CCDC60: variants seen among roughly 807,000 people sequenced by gnomAD.
The protein encoded by CCDC60 is coiled-coil domain containing 60, also known as coiled-coil domain-containing protein 60.
A neutral mutation model predicts 63.5 loss-of-function variants in CCDC60; 54 were observed. That is an observed-to-expected ratio of 0.85 (90% CI 0.68 to 1.07). The LOEUF is 1.07. Ranked by LOEUF, CCDC60 falls within the 50% of genes least tolerant of loss-of-function variation. The pLI is 0.00. For missense variants in CCDC60, 651 were observed against 684.3 expected (o/e 0.95, Z 0.54); for synonymous variants, 206 against 238.8 (o/e 0.86, Z 1.27).
chr12:119,336,769 A>G (rs1955475900), intron 1 of CCDC60, among the ~76,000 whole-genome samples: 1 of 152,236 alleles, frequency 6.6e-6, no homozygotes, highest in African/African-American at 2.4e-5. Flanking sequence ...TTAACGCTGG[A>G]TAATGTGTTT....
chr12:119,528,493 G>A, intron 11 of CCDC60, 122 bp from the exon 12 acceptor site: 1 of 1,133,892 alleles, frequency 8.8e-7, no homozygotes, highest in East Asian at 2.4e-5. Flanking sequence ...AAGATTAGCT[G>A]ACAGGGTTAA....
intron 1 of CCDC60, among the ~76,000 whole-genome samples, chr12:119,419,915 G>T (rs1280352213): frequency 1.6e-5 from 2 of 122,962 alleles, no homozygotes; most frequent in South Asian, 2.6e-4. Context: ...TCGCTCTGTC[G>T]CCCCAGGCTG....
At chr12:119,477,806 T>A (rs1951208805) in intron 3 of CCDC60, among the ~76,000 whole-genome samples, 1 of 152,118 alleles carries the variant, frequency 6.6e-6, no homozygotes, top group African/African-American at 2.4e-5. Context: ...AGGTCCCGAG[T>A]GGCCAGAGCT....
intron 1 of CCDC60, among the ~76,000 whole-genome samples, chr12:119,376,757 G>A (rs1354693390): frequency 6.6e-6 from 1 of 152,148 alleles, no homozygotes; most frequent in South Asian, 2.1e-4. Context: ...TAAACAGTGT[G>A]CCCCTATATA....
intron 1 of CCDC60, among the ~76,000 whole-genome samples, chr12:119,348,773 C>A (rs1278123447): frequency 6.6e-6 from 1 of 152,166 alleles, no homozygotes; most frequent in Non-Finnish European, 1.5e-5. Context: ...AAAAAGATGG[C>A]ATAGTATTGA....
At chr12:119,528,979 A>G (rs979669263) in intron 12 of CCDC60, among the ~76,000 whole-genome samples, 2 of 152,112 alleles carry the variant, frequency 1.3e-5, no homozygotes, top group Non-Finnish European at 2.9e-5. Flanking sequence ...TGCGTTCTCC[A>G]TATTTACCTG....
chr12:119,540,496 G>A (rs2136570240), intron 13 of CCDC60, 118 bp from the exon 14 acceptor site: 1 of 737,596 alleles, frequency 1.4e-6, no homozygotes, highest in Non-Finnish European at 2.4e-6. Flanking sequence ...TGCCCAAATG[G>A]TATTCCTGGG....
intron 9 of CCDC60, among the ~76,000 whole-genome samples, 196 bp downstream of exon 9, chr12:119,520,388 A>G (rs1952492052): frequency 6.6e-6 from 1 of 151,956 alleles, no homozygotes; most frequent in African/African-American, 2.4e-5. Context: ...TCTCCCCAAC[A>G]ATTATATACC....
At chr12:119,479,329 A>G (rs1171570577) in intron 4 of CCDC60, 128 bp downstream of exon 4, 1 of 629,728 alleles carries the variant, frequency 1.6e-6, no homozygotes, top group Non-Finnish European at 2.8e-6. Context: ...TGGAGCCTGG[A>G]GCTGGCAAAG....
At chr12:119,454,100 G>A (rs1281161203) in intron 2 of CCDC60, among the ~76,000 whole-genome samples, 1 of 152,168 alleles carries the variant, frequency 6.6e-6, no homozygotes, top group Non-Finnish European at 1.5e-5. Flanking sequence ...ATGACTCACA[G>A]ACATTGAGTG....
intron 4 of CCDC60, among the ~76,000 whole-genome samples, chr12:119,480,728 C>CCACCATCATCAT (rs1316128899): frequency 2.1e-5 from 3 of 140,774 alleles, no homozygotes; most frequent in Non-Finnish European, 3.1e-5. Flanking sequence ...ACCATCATCA[C>CCACCATCATCAT]CACCATCATC....
intron 1 of CCDC60, among the ~76,000 whole-genome samples, chr12:119,387,034 TCACACACACACA>T (rs1555233707): frequency 4.7e-5 from 5 of 105,452 alleles, no homozygotes; most frequent in East Asian, 3.9e-4. Flanking sequence ...TCTGTCTCTC[TCACACACACACA>T]CACACACACA....
chr12:119,533,850 T>A (rs985489571), intron 13 of CCDC60, among the ~76,000 whole-genome samples: 2 of 152,142 alleles, frequency 1.3e-5, no homozygotes, highest in African/African-American at 2.4e-5. Flanking sequence ...AGTCAGGTAG[T>A]GTGATGCCTC....
intron 5 of CCDC60, among the ~76,000 whole-genome samples, chr12:119,497,028 C>T (rs1951729393): frequency 6.6e-6 from 1 of 152,310 alleles, no homozygotes; most frequent in East Asian, 1.9e-4. Context: ...TCTGTAGTTA[C>T]TCAGGGACTC....
At chr12:119,499,571 G>A (rs764702095) in intron 5 of CCDC60, among the ~76,000 whole-genome samples, 4 of 152,148 alleles carry the variant, frequency 2.6e-5, no homozygotes, top group South Asian at 2.1e-4. Flanking sequence ...ACACAGTGTC[G>A]TAGAGAACTT....
Position 119,395,602 on chromosome 12 carries a change from A to G in CCDC60, c.91-33081A>G, listed in dbSNP as rs114406208. Among the ~76,000 whole-genome samples the G allele has an allele frequency of 4.2e-3, 647 of 152,370 alleles. 3 individuals carry two copies. The highest frequency in any genetic ancestry group is 0.014 in the African/African-American group (584 of 41,586). ...ACAACATTGAGGATTACAATTTGAC[A>G]TGAAATTTGGGCAGGGACAAAGACC... On this transcript the variant is annotated intron_variant, in intron 1 of 13. Coordinates refer to ENST00000327554, the MANE Select transcript of CCDC60 (RefSeq NM_178499.5).
chr12:119,530,414 C>T (rs1952807606), intron 12 of CCDC60, among the ~76,000 whole-genome samples: 1 of 152,012 alleles, frequency 6.6e-6, no homozygotes, highest in Non-Finnish European at 1.5e-5. Flanking sequence ...CACTGAAATA[C>T]ACAAAGCTTT....
At chr12:119,523,653 T>C (rs1247086054) in intron 10 of CCDC60, 40 bp from the exon 11 acceptor site, 2 of 1,610,998 alleles carry the variant, frequency 1.2e-6, no homozygotes, top group Non-Finnish European at 1.7e-6. Flanking sequence ...GGGACATCCC[T>C]GGGCTCCATT....
intron 2 of CCDC60, among the ~76,000 whole-genome samples, chr12:119,432,386 G>A (rs1950246404): frequency 6.6e-6 from 1 of 152,216 alleles, no homozygotes; most frequent in African/African-American, 2.4e-5. Context: ...AGGGACGTTG[G>A]ATCAGAAGAG....
Sources: gnomAD v4.1 joint callset for allele counts (sites outside exome capture counted in the v4.1 genomes callset) on GRCh38, gnomAD v4.1.1 for gene constraint, MANE v1.5 for transcripts, NCBI Gene and HGNC (gene_info 2026-07-23, HGNC 2026-07-21) for gene names.